The following LIX1 variants were observed in gnomAD, a reference collection of about 807,000 sequenced individuals.
LIX1 encodes the protein limb and CNS expressed 1.
Under a neutral mutation model 33.4 loss-of-function variants are expected in LIX1, and 24 were observed. The observed-to-expected ratio is 0.72, with a 90% CI of 0.52 to 1.01. The LOEUF (loss-of-function observed/expected upper bound fraction) is 1.01. LIX1 is among the 50% of genes least tolerant of loss of function. The pLI, the probability that LIX1 is intolerant of heterozygous loss-of-function variation, is 0.00. For synonymous variants in LIX1, 124 were observed against 124.0 expected (o/e 1.00, Z 0.00); for missense variants, 311 against 339.2 (o/e 0.92, Z 0.65).
intron 2 of LIX1, among the ~76,000 whole-genome samples, chr5:97,109,942 A>T (rs1747286307): frequency 6.6e-6 from 1 of 152,244 alleles, no homozygotes; most frequent in South Asian, 2.1e-4. Context: ...ATGGCTAAGT[A>T]GTATTCCATG....
At chr5:97,105,764 A>G (rs1384135628) in intron 3 of LIX1, among the ~76,000 whole-genome samples, 1 of 152,208 alleles carries the variant, frequency 6.6e-6, no homozygotes, top group Non-Finnish European at 1.5e-5. Flanking sequence ...GCCTGGAGAC[A>G]TGGATCATGG....
At chr5:97,124,833 A>C (rs1298966530) in intron 1 of LIX1, among the ~76,000 whole-genome samples, 1 of 152,206 alleles carries the variant, frequency 6.6e-6, no homozygotes, top group Non-Finnish European at 1.5e-5. Context: ...AAAATATACA[A>C]ATTGAACCTG....
Position 97,105,213 on chromosome 5 carries a change from C to G in LIX1, c.460G>C (p.Gly154Arg), listed in dbSNP as rs578123820. The G allele has an allele frequency of 1.2e-6, 2 of 1,614,012 alleles. No individual in the cohort carries two copies. The highest frequency in any genetic ancestry group is 1.3e-5 in the African/African-American group (1 of 75,022). Residue 154 changes from glycine (G) to arginine (R), a missense_variant, in exon 4 of 6, where the codon GGG becomes CGG. Coordinates refer to ENST00000274382, the MANE Select transcript of LIX1 (RefSeq NM_153234.5). Reference protein sequence around the residue: ...AYHYMLESNMGKTMLEFQELM... With the variant: ...AYHYMLESNMRKTMLEFQELM... ...ACCTGAAACTCCAGCATAGTCTTCC[C>G]CATGTTTGACTCCAGCATGTAGTGA...
intron 1 of LIX1, among the ~76,000 whole-genome samples, chr5:97,141,824 A>G (rs956736130): frequency 3.9e-5 from 6 of 152,240 alleles, no homozygotes; most frequent in African/African-American, 1.4e-4. Flanking sequence ...ATGGTTTAAT[A>G]GTATTGCTAG....
intron 3 of LIX1, among the ~76,000 whole-genome samples, chr5:97,105,658 A>G (rs553404246): frequency 2.6e-5 from 4 of 152,358 alleles, no homozygotes; most frequent in Admixed American, 2.0e-4. Context: ...GCAAGATTAC[A>G]TAATTGACAT....
At position 97,094,535 on chromosome 5, in the gene LIX1, A is replaced by T. The variant is rs1161457218; in HGVS notation, c.*213T>A. ...TATCCTTTCATCCTGAGCTGGAACT[A>T]TTGAGAATGTGATAGAAAAATGCAT... On this transcript the variant is annotated 3_prime_UTR_variant, in exon 6 of 6. Transcript: ENST00000274382. 1.8e-6 allele frequency: 1 copy of T among 552,266 alleles called. No individual in the cohort carries two copies. The highest frequency in any genetic ancestry group is 3.2e-6 in the Non-Finnish European group (1 of 312,208). The allele number at this position is 552,266 out of a possible 1,614,324, so 34.2% of individuals were successfully genotyped here.
At chr5:97,099,366 C>T (rs867186655) in intron 4 of LIX1, among the ~76,000 whole-genome samples, 36 of 151,960 alleles carry the variant, frequency 2.4e-4, no homozygotes, top group Admixed American at 5.2e-4. Flanking sequence ...ACCAACTCAC[C>T]GAATACTTTG....
At chr5:97,107,292 C>A in intron 3 of LIX1, 68 bp downstream of exon 3, 1 of 1,463,364 alleles carries the variant, frequency 6.8e-7, no homozygotes. Flanking sequence ...ATGTTAACAT[C>A]TCTCAAGATT....
intron 2 of LIX1, among the ~76,000 whole-genome samples, chr5:97,118,176 A>G (rs1445520550): frequency 1.3e-5 from 2 of 152,210 alleles, no homozygotes; most frequent in Non-Finnish European, 2.9e-5. Context: ...GGCATTTTTC[A>G]TTCAATCATA....
At chr5:97,137,954 T>C (rs1313866469) in intron 1 of LIX1, among the ~76,000 whole-genome samples, 1 of 152,184 alleles carries the variant, frequency 6.6e-6, no homozygotes, top group African/African-American at 2.4e-5. Flanking sequence ...TATAGCTAGA[T>C]TCATGATTAC....
At chr5:97,113,682 A>G (rs561093750) in intron 2 of LIX1, among the ~76,000 whole-genome samples, 17 of 152,282 alleles carry the variant, frequency 1.1e-4, no homozygotes, top group African/African-American at 2.9e-4. Flanking sequence ...ATTTTTAACC[A>G]CTTTGCTATT....
At chr5:97,124,688 CAAAATTTT>C (rs1747872951) in intron 1 of LIX1, 59 bp from the exon 2 acceptor site, 24 of 1,466,462 alleles carry the variant, frequency 1.6e-5, no homozygotes, top group Non-Finnish European at 2.1e-5. Flanking sequence ...GGTGCAAAAC[CAAAATTTT>C]ATTTGCAAGC....
intron 4 of LIX1, among the ~76,000 whole-genome samples, chr5:97,099,091 C>A (rs1746537346): frequency 6.6e-6 from 1 of 151,764 alleles, no homozygotes; most frequent in Non-Finnish European, 1.5e-5. Flanking sequence ...CAGATGGAGA[C>A]CTCCCTGTCT....
intron 4 of LIX1, among the ~76,000 whole-genome samples, chr5:97,098,529 C>A (rs1344735762): frequency 6.6e-6 from 1 of 152,132 alleles, no homozygotes; most frequent in Non-Finnish European, 1.5e-5. Context: ...GATCAAGGAA[C>A]TTTCATGTCT....
intron 2 of LIX1, among the ~76,000 whole-genome samples, chr5:97,115,557 A>G (rs1198339723): frequency 6.6e-6 from 1 of 152,214 alleles, no homozygotes; most frequent in Non-Finnish European, 1.5e-5. Flanking sequence ...TTAGGAATGC[A>G]TATGGAAGGA....
rs1359953397 is a variant in LIX1 at position 97,094,010 on chromosome 5, T to C, written c.*738A>G. The C allele has an allele frequency of 6.6e-6, 1 of 152,330 alleles. No homozygotes were observed. The highest frequency in any genetic ancestry group is 2.4e-5 in the African/African-American group (1 of 41,448). 9.4% of individuals were successfully genotyped at this position (152,330 alleles called of 1,614,324 possible). ...GCAAATTAAAAATGAACAAAATTGATTGCAAGACTCATAAACATTGGATAT... is the reference window on the plus strand; with the variant it reads ...GCAAATTAAAAATGAACAAAATTGACTGCAAGACTCATAAACATTGGATAT... On this transcript the variant is annotated 3_prime_UTR_variant, in exon 6 of 6. Coordinates refer to ENST00000274382, the MANE Select transcript of LIX1 (RefSeq NM_153234.5).
rs143073602 is a variant in LIX1 at position 97,130,211 on chromosome 5, G to C, written c.83-5582C>G. On this transcript the variant is annotated intron_variant, in intron 1 of 5. Transcript: ENST00000274382. ...GAAATAAGACTCAATGACAGAGATT[G>C]CTGAGGGGCTTGGTTTCCCCCGTAG... Among the ~76,000 whole-genome samples the C allele has an allele frequency of 2.4e-3, 368 of 152,314 alleles. 1 individual carries two copies. The highest frequency in any genetic ancestry group is 8.5e-3 in the African/African-American group (354 of 41,568).
intron 4 of LIX1, among the ~76,000 whole-genome samples, chr5:97,099,614 A>G (rs1006039500): frequency 6.6e-6 from 1 of 152,188 alleles, no homozygotes; most frequent in Admixed American, 6.5e-5. Flanking sequence ...CGGCAGGTGG[A>G]TCACTTGAGG....
chr5:97,097,367 A>G (rs1746437989), intron 4 of LIX1, among the ~76,000 whole-genome samples: 1 of 152,238 alleles, frequency 6.6e-6, no homozygotes, highest in African/African-American at 2.4e-5. Flanking sequence ...AGAACGTTCC[A>G]TAAGTTTAAA....
Sources: gnomAD v4.1 joint callset for allele counts (sites outside exome capture counted in the v4.1 genomes callset) on GRCh38, gnomAD v4.1.1 for gene constraint, MANE v1.5 for transcripts, NCBI Gene and HGNC (gene_info 2026-07-23, HGNC 2026-07-21) for gene names.